Variants in RASGRP1 observed in about 807,000 individuals in gnomAD.
The protein encoded by RASGRP1 is RAS guanyl releasing protein 1, also known as RAS guanyl-releasing protein 1.
RASGRP1 carries 37 observed loss-of-function variants against 95.1 expected under a neutral mutation model. That is an observed-to-expected ratio of 0.39 (90% CI 0.30 to 0.51). The LOEUF is 0.51. Among genes scored for constraint, RASGRP1 ranks in the 20% least tolerant of loss-of-function variants. The pLI, the probability that RASGRP1 is intolerant of heterozygous loss-of-function variation, is 0.80. For synonymous variants in RASGRP1, 325 were observed against 353.4 expected (o/e 0.92, Z 0.90); for missense variants, 711 against 965.4 (o/e 0.74, Z 3.49).
intron 15 of RASGRP1, among the ~76,000 whole-genome samples, 166 bp downstream of exon 15, chr15:38,498,628 A>G (rs1223726415): frequency 6.6e-6 from 1 of 152,198 alleles, no homozygotes; most frequent in Admixed American, 6.5e-5. Context: ...AGTCTAAGAC[A>G]TAGGCATGGA....
At chr15:38,554,308 G>C (rs192571689) in intron 2 of RASGRP1, among the ~76,000 whole-genome samples, 12 of 152,286 alleles carry the variant, frequency 7.9e-5, no homozygotes, top group African/African-American at 2.9e-4. Context: ...TCATAGGGTT[G>C]TTGGGAGGAT....
In RASGRP1 at chr15:38,559,888, C is replaced by T; in HGVS notation, c.153G>A (p.Val51=). The change falls in exon 2 of 17, where the codon GTG becomes GTA. Residue 51 remains valine, a synonymous_variant. Transcript: ENST00000310803. The part of the protein sequence containing the change: ...LAHITQFRMM[V]SLGHLAKGAS... ...CTCCTTTGGCTAAATGTCCCAGAGACACCATCATTCGGAACTGGGTGATGT... is the reference window on the plus strand; with the variant it reads ...CTCCTTTGGCTAAATGTCCCAGAGATACCATCATTCGGAACTGGGTGATGT... The T allele has an allele frequency of 6.2e-7, 1 of 1,613,916 alleles. No individual in the cohort carries two copies.
chr15:38,507,912 G>A lies in RASGRP1; in HGVS notation c.1056C>T (p.Ile352=). 4.3e-6 allele frequency: 7 copies of A among 1,613,502 alleles called. No individual in the cohort carries two copies. The highest frequency in any genetic ancestry group is 5.9e-6 in the Non-Finnish European group (7 of 1,179,754). The change falls in exon 9 of 17, where the codon ATC becomes ATT. Residue 352 remains isoleucine, a synonymous_variant. Transcript: ENST00000310803. The stretch of plus-strand genomic sequence containing the variant: ...CCTTGAGATGCACACCCAGAATGGG[G>A]ATCTTGAAGTCGGTGCACTCTCCAT... ...RAYGECTDFK[I]PILGVHLKDL...
At chr15:38,515,883 GAGAC>G (rs1482028186) in intron 6 of RASGRP1, among the ~76,000 whole-genome samples, 1 of 108,464 alleles carries the variant, frequency 9.2e-6, no homozygotes, top group Non-Finnish European at 2.1e-5. Flanking sequence ...TAGAATGAGA[GAGAC>G]AGAGAGAGAG....
chr15:38,525,009 C>T (rs1168756075), intron 3 of RASGRP1, among the ~76,000 whole-genome samples: 1 of 151,382 alleles, frequency 6.6e-6, no homozygotes, highest in South Asian at 2.1e-4. Flanking sequence ...ACTTCATTGC[C>T]CAGGCTGGAG....
rs1393271426 is a variant in RASGRP1 at position 38,519,383 on chromosome 15, G to A, written c.327-12C>T. On this transcript the variant is annotated splice_polypyrimidine_tract_variant and intron_variant, in intron 3 of 16. Coordinates refer to ENST00000310803, the MANE Select transcript of RASGRP1 (RefSeq NM_005739.4). ...AAGCATCCTTATAGGTAGGGCTGTG[G>A]TTAAGGGAAATGGAGACCTCTGTTA... is the stretch of plus-strand genomic sequence containing the variant. The A allele has an allele frequency of 6.6e-7, 1 of 1,506,528 alleles. No individual in the cohort carries two copies. The highest frequency in any genetic ancestry group is 1.4e-5 in the African/African-American group (1 of 72,286). 93.3% of individuals were successfully genotyped at this position (1,506,528 alleles called of 1,614,324 possible).
At chr15:38,526,205 C>T in intron 3 of RASGRP1, 94 bp downstream of exon 3, 2 of 1,020,092 alleles carry the variant, frequency 2.0e-6, no homozygotes, top group African/African-American at 1.6e-5. Context: ...CAGGGTTATT[C>T]CAAACCAATA....
chr15:38,549,059 T>C (rs1893222884), intron 2 of RASGRP1, among the ~76,000 whole-genome samples: 1 of 152,222 alleles, frequency 6.6e-6, no homozygotes, highest in Non-Finnish European at 1.5e-5. Context: ...AAACGAAGAC[T>C]GAGTCCAGGG....
At chr15:38,493,376 C>T (rs897134306) in intron 16 of RASGRP1, among the ~76,000 whole-genome samples, 10 of 151,970 alleles carry the variant, frequency 6.6e-5, no homozygotes, top group African/African-American at 2.4e-4. Flanking sequence ...CGGGGTTTCA[C>T]CACGTTGGCC....
chr15:38,530,247 G>A (rs1160159958), intron 2 of RASGRP1, among the ~76,000 whole-genome samples: 3 of 152,186 alleles, frequency 2.0e-5, no homozygotes, highest in Non-Finnish European at 4.4e-5. Context: ...CATGATGATG[G>A]CAGAACACTG....
At chr15:38,520,788 C>A (rs933434588) in intron 3 of RASGRP1, among the ~76,000 whole-genome samples, 1 of 152,170 alleles carries the variant, frequency 6.6e-6, no homozygotes, top group South Asian at 2.1e-4. Context: ...TTCAAATTAA[C>A]GAAACATTTT....
At chr15:38,559,624 T>C (rs1278727458) in intron 2 of RASGRP1, among the ~76,000 whole-genome samples, 197 bp downstream of exon 2, 1 of 152,210 alleles carries the variant, frequency 6.6e-6, no homozygotes. Context: ...ACTTTAAAAT[T>C]GCACTTCTCA....
At chr15:38,555,616 C>T (rs1375042074) in intron 2 of RASGRP1, among the ~76,000 whole-genome samples, 1 of 152,176 alleles carries the variant, frequency 6.6e-6, no homozygotes, top group African/African-American at 2.4e-5. Flanking sequence ...AAGGCAAATT[C>T]TTTCAGTTCT....
intron 15 of RASGRP1, among the ~76,000 whole-genome samples, chr15:38,496,255 T>C (rs769304393): frequency 6.6e-5 from 10 of 152,238 alleles, no homozygotes; most frequent in Non-Finnish European, 8.8e-5. Flanking sequence ...CCTTGACTTT[T>C]AGCAACTTTA....
At chr15:38,545,131 A>C (rs1893060162) in intron 2 of RASGRP1, among the ~76,000 whole-genome samples, 1 of 152,226 alleles carries the variant, frequency 6.6e-6, no homozygotes, top group Admixed American at 6.5e-5. Context: ...TGAGACATAC[A>C]TGTTTACATT....
intron 2 of RASGRP1, among the ~76,000 whole-genome samples, chr15:38,552,797 T>G (rs1390993095): frequency 6.6e-6 from 1 of 152,242 alleles, no homozygotes; most frequent in South Asian, 2.1e-4. Context: ...AATCTGCTCT[T>G]GTGAGCTGGT....
intron 15 of RASGRP1, among the ~76,000 whole-genome samples, chr15:38,498,420 C>T (rs1440416843): frequency 1.3e-5 from 2 of 152,158 alleles, no homozygotes; most frequent in Non-Finnish European, 2.9e-5. Flanking sequence ...TATATACACA[C>T]ACATATACAT....
At position 38,513,035 on chromosome 15, in the gene RASGRP1, G is replaced by T. The variant is rs569650475; in HGVS notation, c.676-79C>A. On this transcript the variant is annotated intron_variant, in intron 6 of 16. Transcript: ENST00000310803. The stretch of plus-strand genomic sequence containing the variant: ...GTATTCCAGAAGATTTAAGGGACAA[G>T]TCCAGTCTGCTCAGTTGATGGCTGG... The T allele has an allele frequency of 8.3e-5, 112 of 1,342,582 alleles. 1 individual carries two copies. Among genetic ancestry groups the T allele is most frequent in the Admixed American group, 1.3e-4 (4 of 30,844 alleles). 83.2% of individuals were successfully genotyped at this position (1,342,582 alleles called of 1,614,324 possible).
intron 15 of RASGRP1, among the ~76,000 whole-genome samples, chr15:38,497,519 G>A (rs1470730637): frequency 6.6e-6 from 1 of 151,808 alleles, no homozygotes; most frequent in Non-Finnish European, 1.5e-5. Flanking sequence ...CTTCCTTCAA[G>A]ACTTAGCTGA....
Sources: allele counts gnomAD v4.1 joint callset (sites outside exome capture counted in the v4.1 genomes callset), GRCh38; gene constraint gnomAD v4.1.1; transcripts MANE v1.5; gene names NCBI Gene and HGNC (gene_info 2026-07-23, HGNC 2026-07-21).